The following ASCC3 variants were observed in gnomAD, a reference collection of about 807,000 sequenced individuals.
ASCC3 encodes activating signal cointegrator 1 complex subunit 3.
In ASCC3, 158 loss-of-function variants were observed where a neutral mutation model predicts 256.3. The observed-to-expected ratio is 0.62, with a 90% CI of 0.54 to 0.70. The LOEUF is 0.70. ASCC3 is among the 30% of genes least tolerant of loss of function. The pLI is 0.00. For synonymous variants in ASCC3, 948 were observed against 883.4 expected, an observed-to-expected ratio of 1.07 and a Z score of -1.30; for missense variants, 2,259 against 2,626.0, an observed-to-expected ratio of 0.86 and a Z score of 3.05.
At chr6:100,766,204 T>C (rs191299886) in intron 10 of ASCC3, among the ~76,000 whole-genome samples, 4 of 152,182 alleles carry the variant, frequency 2.6e-5, no homozygotes, top group Admixed American at 2.6e-4. Flanking sequence ...ATGGAATAGT[T>C]TGGAATACTA....
intron 36 of ASCC3, among the ~76,000 whole-genome samples, chr6:100,581,211 G>A (rs1211600698): frequency 3.9e-5 from 6 of 152,148 alleles, no homozygotes; most frequent in Non-Finnish European, 8.8e-5. Flanking sequence ...GTGTAAAAGT[G>A]TTCCTATATC....
At chr6:100,838,230 A>C (rs1294024681) in intron 4 of ASCC3, among the ~76,000 whole-genome samples, 2 of 152,084 alleles carry the variant, frequency 1.3e-5, no homozygotes, top group East Asian at 1.9e-4. Flanking sequence ...AAATTTTAAA[A>C]TATGCATATT....
chr6:100,594,821 T>C lies in ASCC3; in HGVS notation c.5304-4762A>G, dbSNP rs1772197070. 2.6e-5 allele frequency among the ~76,000 whole-genome samples: 4 copies of C among 152,042 alleles called. No individual in the cohort carries two copies. The South Asian group carries it at 8.3e-4, about 32-fold the overall frequency. On this transcript the variant is annotated intron_variant, in intron 34 of 41. Transcript: ENST00000369162. ...TGGATATTCAAATGGATTTGAAAAA[T>C]ATGGTGTATATATACACAATGGAAT...
In ASCC3 at chr6:100,627,523, A is replaced by G. The variant is rs949462165; in HGVS notation, c.4642+67T>C. 5.8e-5 allele frequency: 92 copies of G among 1,597,530 alleles called. 2 individuals are homozygous for G. In the South Asian group the frequency reaches 8.9e-4, roughly 15 times the overall value. On this transcript the variant is annotated intron_variant, in intron 29 of 41. Transcript: ENST00000369162. ...CATCCTTTCAAAGAAACCAACACCA[A>G]TTAGAAGATATTTGATAGCTACCAT...
intron 24 of ASCC3, among the ~76,000 whole-genome samples, chr6:100,640,203 G>A (rs1389561189): frequency 1.3e-5 from 2 of 152,074 alleles, no homozygotes; most frequent in African/African-American, 4.8e-5. Flanking sequence ...TCAAAGCCGA[G>A]ATATGTTCTT....
intron 37 of ASCC3, among the ~76,000 whole-genome samples, chr6:100,525,827 T>G (rs1318813715): frequency 6.6e-6 from 1 of 152,120 alleles, no homozygotes; most frequent in African/African-American, 2.4e-5. Context: ...AAAGTTTATT[T>G]AAAAAAATTA....
chr6:100,786,128 C>A (rs1179485185), intron 8 of ASCC3, among the ~76,000 whole-genome samples: 1 of 152,096 alleles, frequency 6.6e-6, no homozygotes. Flanking sequence ...TTGGGCTGCA[C>A]AATCATAACA....
At position 100,605,667 on chromosome 6, in the gene ASCC3, G is replaced by A. The variant is rs1007770313; in HGVS notation, c.5078C>T (p.Pro1693Leu). Residue 1693 changes from proline to leucine, a missense_variant, in exon 33 of 42, where the codon CCG (proline) becomes CTG (leucine). Physicochemically the swap from Pro to Leu is moderately conservative, Grantham distance 98. This residue lies in a region of ASCC3 where 1,839 missense variants were observed against 2,206.7 expected (regional missense o/e 0.83). Transcript: ENST00000369162. ...VLQMMGRAGR[P>L]QFDDQGKAVI... is the part of the protein sequence containing the mutation. The stretch of plus-strand genomic sequence containing the variant: ...AGCTTTGCCTTGGTCATCGAACTGC[G>A]GCCTCCCAGCACGCCCCATCATCTG... 8 of 1,613,080 alleles carry A rather than the reference G, an allele frequency of 5.0e-6. No individual in the cohort carries two copies. The highest frequency in any genetic ancestry group is 5.9e-6 in the Non-Finnish European group (7 of 1,179,338).
chr6:100,767,999 T>C (rs1402126163), intron 8 of ASCC3, among the ~76,000 whole-genome samples: 1 of 152,176 alleles, frequency 6.6e-6, no homozygotes, highest in African/African-American at 2.4e-5. Flanking sequence ...TGAGTTCATA[T>C]TCATTTATAA....
rs562151800 is a variant in ASCC3 at position 100,675,130 on chromosome 6, G to GTT, written c.2286+4486_2286+4487dup. ...CAAAAATGCAATTAAGCAAACAGTTGTTTTTTTTTTTTTTACAATTTTGTT... is the reference window on the plus strand; with the variant it reads ...CAAAAATGCAATTAAGCAAACAGTTGTTTTTTTTTTTTTTTTACAATTTTGTT... On this transcript the variant is annotated intron_variant, in intron 14 of 41. Transcript: ENST00000369162. Among the ~76,000 whole-genome samples, 488 of 143,668 alleles carry GTT rather than the reference G, an allele frequency of 3.4e-3. 1 individual carries two copies. The highest frequency in any genetic ancestry group is 7.6e-3 in the African/African-American group (299 of 39,362). The allele number at this position is 143,668 out of a possible 152,430, so 94.3% of individuals were successfully genotyped here.
intron 10 of ASCC3, among the ~76,000 whole-genome samples, chr6:100,742,551 G>C (rs899585439): frequency 4.6e-5 from 7 of 152,232 alleles, no homozygotes; most frequent in Non-Finnish European, 1.0e-4. Flanking sequence ...AGCCCTGTCT[G>C]TATAACACTG....
intron 30 of ASCC3, among the ~76,000 whole-genome samples, chr6:100,608,118 C>CATATATATG (rs1773044100): frequency 4.3e-5 from 1 of 23,350 alleles, no homozygotes; most frequent in Non-Finnish European, 9.3e-5. Flanking sequence ...GTATATATAT[C>CATATATATG]TATATATACA....
chr6:100,773,740 T>C (rs1782046992), intron 8 of ASCC3, among the ~76,000 whole-genome samples: 1 of 152,158 alleles, frequency 6.6e-6, no homozygotes, highest in African/African-American at 2.4e-5. Flanking sequence ...AGGAACATAA[T>C]AGGCTACTAA....
At chr6:100,653,610 C>A (rs1261824386) in intron 17 of ASCC3, among the ~76,000 whole-genome samples, 1 of 150,928 alleles carries the variant, frequency 6.6e-6, no homozygotes, top group African/African-American at 2.4e-5. Context: ...TGCACTCCAA[C>A]CTGGGCGACA....
intron 33 of ASCC3, among the ~76,000 whole-genome samples, chr6:100,602,201 C>A (rs978881649): frequency 3.9e-5 from 6 of 151,960 alleles, no homozygotes; most frequent in African/African-American, 1.5e-4. Context: ...GTATTATTCA[C>A]CAGTACATAT....
At chr6:100,767,403 A>T (rs1223903803) in intron 8 of ASCC3, 58 bp from the exon 9 acceptor site, 1 of 1,479,152 alleles carries the variant, frequency 6.8e-7, no homozygotes, top group Non-Finnish European at 9.4e-7. Flanking sequence ...ACCCATACAA[A>T]TCATTATGTG....
intron 8 of ASCC3, among the ~76,000 whole-genome samples, chr6:100,780,674 T>A (rs1409904791): frequency 3.9e-5 from 6 of 152,226 alleles, no homozygotes; most frequent in Non-Finnish European, 8.8e-5. Context: ...TTTCTCTTGA[T>A]GTCTTATTCT....
intron 14 of ASCC3, among the ~76,000 whole-genome samples, chr6:100,663,387 C>T (rs1776320349): frequency 6.6e-6 from 1 of 152,060 alleles, no homozygotes; most frequent in Non-Finnish European, 1.5e-5. Flanking sequence ...TCACACTGTC[C>T]TATTCCATCC....
At position 100,800,541 on chromosome 6, in the gene ASCC3, A is replaced by G. The variant is rs1398115648; in HGVS notation, c.923-37T>C. 4 of 1,462,604 alleles carry G rather than the reference A, an allele frequency of 2.7e-6. No individual in the cohort carries two copies. In the African/African-American group the frequency reaches 5.6e-5, roughly 20 times the overall value. 90.6% of individuals were successfully genotyped at this position (1,462,604 alleles called of 1,614,324 possible). A position where few individuals can be genotyped will look rare whatever the true frequency, so the allele number is the denominator to read the frequency against. ...ATTTAAGAAACACAATGTTTTATAA[A>G]TCTGAATATGATTTAACCTTCATGA... On this transcript the variant is annotated intron_variant, in intron 5 of 41. Transcript: ENST00000369162.
Sources: gnomAD v4.1 joint callset for allele counts (sites outside exome capture counted in the v4.1 genomes callset) on GRCh38, gnomAD v4.1.1 for gene constraint, gnomAD v4.1.1 regional missense constraint, MANE v1.5 for transcripts, NCBI Gene and HGNC (gene_info 2026-07-23, HGNC 2026-07-21) for gene names.